SPON2: variants seen among roughly 807,000 people sequenced by gnomAD.
SPON2 encodes spondin 2.
Under a neutral mutation model 29.9 loss-of-function variants are expected in SPON2, and 32 were observed. The ratio of observed to expected loss-of-function variants is 1.07; its 90% CI spans 0.81 to 1.44. The LOEUF is 1.44. SPON2 is among the 40% of genes most tolerant of loss of function. The pLI, the probability that SPON2 is intolerant of heterozygous loss-of-function variation, is 0.00. For missense variants in SPON2, 541 were observed against 455.5 expected, an observed-to-expected ratio of 1.19 and a Z score of -1.71; for synonymous variants, 248 against 209.1, an observed-to-expected ratio of 1.19 and a Z score of -1.61.
At chr4:1,189,571 G>GGCT (rs1727865176) in intron 1 of SPON2, among the ~76,000 whole-genome samples, 1 of 148,064 alleles carries the variant, frequency 6.8e-6, no homozygotes, top group East Asian at 2.0e-4. Flanking sequence ...AGGAGGTCGA[G>GGCT]GCTGCAGTGA....
intron 1 of SPON2, chr4:1,207,779 C>T (rs905507338): frequency 6.5e-6 from 1 of 154,508 alleles, no homozygotes; most frequent in Non-Finnish European, 1.4e-5. Context: ...TTTTCGGACC[C>T]TACATGGGAA....
chr4:1,204,675 G>C (rs535273886), intron 1 of SPON2, among the ~76,000 whole-genome samples: 1 of 152,218 alleles, frequency 6.6e-6, no homozygotes, highest in South Asian at 2.1e-4. Flanking sequence ...CAATCTACCT[G>C]ATTCCAGGGT....
chr4:1,171,036 G>A lies in SPON2; in HGVS notation c.599C>T (p.Pro200Leu), dbSNP rs1727419541. 1.3e-6 allele frequency: 2 copies of A among 1,549,206 alleles called. No individual in the cohort carries two copies. Among genetic ancestry groups the A allele is most frequent in the African/African-American group, 1.4e-5 (1 of 72,992 alleles). Residue 200 changes from proline (P) to leucine (L), a missense_variant, in exon 4 of 6, where the codon CCC (proline) becomes CTC (leucine). Coordinates refer to ENST00000290902, the MANE Select transcript of SPON2 (RefSeq NM_012445.4). ...GTDSGFTFSS[P>L]NFATIPQDTV... The stretch of plus-strand genomic sequence containing the variant: ...GTCCTGCGGGATGGTGGCGAAGTTG[G>A]GGGAGGAGAAGGTGAAGCCGCTGTC...
intron 1 of SPON2, among the ~76,000 whole-genome samples, chr4:1,182,732 A>G (rs1374681997): frequency 1.3e-5 from 2 of 152,224 alleles, no homozygotes; most frequent in African/African-American, 4.8e-5. Context: ...TCTAAGCTCA[A>G]CAAACTCCAG....
intron 3 of SPON2, 35 bp from the exon 4 acceptor site, chr4:1,171,225 G>T (rs930557622): frequency 6.9e-7 from 1 of 1,442,412 alleles, no homozygotes; most frequent in Non-Finnish European, 9.0e-7. Flanking sequence ...CCTGGCCCCG[G>T]CCCCCCGGAC....
At chr4:1,205,478 G>A (rs752137654) in intron 1 of SPON2, among the ~76,000 whole-genome samples, 8 of 152,194 alleles carry the variant, frequency 5.3e-5, no homozygotes, top group Non-Finnish European at 8.8e-5. Flanking sequence ...AGGGAGAGCC[G>A]TGCCCAGCAC....
At chr4:1,192,919 C>T (rs1727941291) in intron 1 of SPON2, among the ~76,000 whole-genome samples, 1 of 152,194 alleles carries the variant, frequency 6.6e-6, no homozygotes, top group Non-Finnish European at 1.5e-5. Flanking sequence ...GGGGGCAGAG[C>T]TCAATGTCCA....
At chr4:1,201,105 A>G in intron 1 of SPON2, 1 of 455,208 alleles carries the variant, frequency 2.2e-6, no homozygotes, top group Non-Finnish European at 4.4e-6. Context: ...CACCCTGCCC[A>G]CATGGCCCTC....
chr4:1,167,651 C>T lies in SPON2; in HGVS notation c.817G>A (p.Glu273Lys), dbSNP rs1398500927. ...GAGACCTCGCAGTCCAGCGGCGTTT[C>T]TGGAACTGGACCAAGCAAAGGGGAG... is the stretch of plus-strand genomic sequence containing the variant. ...NEIVDSASVP[E>K]TPLDCEVSLW... The change falls in exon 6 of 6, where the codon GAA becomes AAA. Residue 273 changes from glutamate to lysine, a missense_variant. By Grantham distance (56) the Glu-to-Lys change is moderately conservative. Transcript: ENST00000290902. 2 of 1,605,208 alleles carry T rather than the reference C, an allele frequency of 1.2e-6. No homozygotes were observed. Among genetic ancestry groups the T allele is most frequent in the South Asian group, 1.1e-5 (1 of 90,274 alleles).
At chr4:1,199,532 C>T (rs1275790095), upstream of SPON2, 1 of 152,232 alleles carries the variant, frequency 6.6e-6, no homozygotes, top group African/African-American at 2.4e-5. The surrounding 1 kb of genome is among the most constrained non-coding windows in gnomAD (Gnocchi z 4.5). Flanking sequence ...AAAATATTCC[C>T]TTTGCCATGG....
Position 1,186,020 on chromosome 4 carries a change from G to A in SPON2, c.-238-6479C>T, listed in dbSNP as rs548679294. Among the ~76,000 whole-genome samples, 99 of 149,940 alleles carry A rather than the reference G, an allele frequency of 6.6e-4. 1 individual carries two copies. Among genetic ancestry groups the A allele is most frequent in the Admixed American group, 3.6e-3 (54 of 15,008 alleles). ...AGCACTTTGGGAGGCCGAGGCGGGC[G>A]GATCACGAGGTCAGGAGATCGAGAC... is the stretch of plus-strand genomic sequence containing the variant. On this transcript the variant is annotated intron_variant, in intron 1 of 3. Coordinates refer to the SPON2 transcript ENST00000502483.
At chr4:1,196,229 G>A (rs947629929), upstream of SPON2, among the ~76,000 whole-genome samples, 9 of 152,162 alleles carry the variant, frequency 5.9e-5, no homozygotes, top group Admixed American at 5.2e-4. Context: ...CAGAGGCCAC[G>A]TGTTCCAGGG....
upstream of SPON2, among the ~76,000 whole-genome samples, chr4:1,178,135 C>T (rs1189275099): frequency 6.7e-6 from 1 of 149,466 alleles, no homozygotes; most frequent in Non-Finnish European, 1.5e-5. Context: ...ACACCACGGG[C>T]TCTGCACACA....
rs1179163849 is a variant in SPON2, at chr4:1,167,590, C to A, written c.878G>T (p.Cys293Phe). The change falls in exon 6 of 6, where the codon TGT becomes TTT. Residue 293 changes from cysteine to phenylalanine, a missense_variant. Coordinates refer to ENST00000290902, the MANE Select transcript of SPON2 (RefSeq NM_012445.4). ...WSSWGLCGGH[C>F]GRLGTKSRTR... Reference sequence around the variant, plus strand: ...CCTGCTCTTGGTCCCGAGCCTCCCACAGTGGCCTCCGCACAGTCCCCAGGA... The same window carrying A: ...CCTGCTCTTGGTCCCGAGCCTCCCAAAGTGGCCTCCGCACAGTCCCCAGGA... The A allele has an allele frequency of 1.9e-6, 3 of 1,613,508 alleles. No homozygotes were observed. The highest frequency in any genetic ancestry group is 2.5e-6 in the Non-Finnish European group (3 of 1,180,008).
At chr4:1,200,072 TG>T (rs1728159330), upstream of SPON2, 1 of 152,214 alleles carries the variant, frequency 6.6e-6, no homozygotes, top group Admixed American at 6.5e-5. Flanking sequence ...ACAGGCAGCT[TG>T]GACCCAGGCT....
At chr4:1,186,856 A>G (rs552492742) in intron 1 of SPON2, among the ~76,000 whole-genome samples, 1 of 152,190 alleles carries the variant, frequency 6.6e-6, no homozygotes, top group Non-Finnish European at 1.5e-5. Context: ...GATGACTACT[A>G]TCAAAAAAAC....
At chr4:1,173,907 A>T (rs1339124145), upstream of SPON2, among the ~76,000 whole-genome samples, 3 of 152,222 alleles carry the variant, frequency 2.0e-5, no homozygotes, top group Non-Finnish European at 4.4e-5. Flanking sequence ...CATACTCTTA[A>T]AGGTCACTGA....
chr4:1,183,964 A>G (rs1190694859), intron 1 of SPON2, among the ~76,000 whole-genome samples: 4 of 152,220 alleles, frequency 2.6e-5, no homozygotes, highest in Non-Finnish European at 5.9e-5. Flanking sequence ...CCTCATTATC[A>G]GTGATTATTT....
chr4:1,200,726 G>A (rs1728178655), intron 1 of SPON2: 1 of 439,162 alleles, frequency 2.3e-6, no homozygotes, highest in Non-Finnish European at 4.6e-6. Context: ...CGCTGGACGG[G>A]GTGGTAAGGG....
Sources: gnomAD v4.1 joint callset for allele counts (sites outside exome capture counted in the v4.1 genomes callset) on GRCh38, gnomAD v4.1.1 for gene constraint, Gnocchi (gnomAD v3.1) non-coding constraint, MANE v1.5 for transcripts, NCBI Gene and HGNC (gene_info 2026-07-23, HGNC 2026-07-21) for gene names.